SPIRE1: variants seen among roughly 807,000 people sequenced by gnomAD.
SPIRE1 encodes spire type actin nucleation factor 1.
Under a neutral mutation model 94.1 loss-of-function variants are expected in SPIRE1, and 40 were observed. The observed-to-expected ratio is 0.43, with a 90% CI of 0.33 to 0.55. The LOEUF (loss-of-function observed/expected upper bound fraction) is 0.55, where lower values mean the gene tolerates loss of function less well. SPIRE1 is among the 20% of genes least tolerant of loss of function. The pLI is 0.06. For synonymous variants in SPIRE1, 376 were observed against 371.7 expected, an observed-to-expected ratio of 1.01 and a Z score of -0.13; for missense variants, 838 against 975.2, an observed-to-expected ratio of 0.86 and a Z score of 1.87.
At chr18:12,581,675 C>A (rs570993367) in intron 2 of SPIRE1, among the ~76,000 whole-genome samples, 6 of 152,186 alleles carry the variant, frequency 3.9e-5, no homozygotes, top group Non-Finnish European at 8.8e-5. Context: ...ACCAGCCTGG[C>A]CAATGTGGCA....
At chr18:12,601,449 C>A (rs151081777) in intron 2 of SPIRE1, among the ~76,000 whole-genome samples, 1 of 151,892 alleles carries the variant, frequency 6.6e-6, no homozygotes, top group East Asian at 1.9e-4. Flanking sequence ...AAAAACAGAA[C>A]CAAACTGCTT....
In SPIRE1 at chr18:12,632,702, CTT is replaced by C. The variant is rs897486995; in HGVS notation, c.372+2358_372+2359del. ...GTGTTTTGCCCCCTCCAAATTTTTACTTTTTTTTTAATTCTGAAAAACTTCTA... is the reference window on the plus strand; with the variant it reads ...GTGTTTTGCCCCCTCCAAATTTTTACTTTTTTTAATTCTGAAAAACTTCTA... On this transcript the variant is annotated intron_variant, in intron 2 of 16. Transcript: ENST00000409402. Among the ~76,000 whole-genome samples the C allele has an allele frequency of 4.0e-5, 6 of 150,906 alleles. No individual in the cohort carries two copies. The South Asian group carries it at 1.3e-3, about 32-fold the overall frequency.
At chr18:12,493,774 G>A (rs547732740) in intron 7 of SPIRE1, among the ~76,000 whole-genome samples, 2 of 152,168 alleles carry the variant, frequency 1.3e-5, no homozygotes, top group Non-Finnish European at 2.9e-5. Flanking sequence ...GATTCCAGGC[G>A]CATGCCACTG....
chr18:12,483,097 C>T (rs1422927412), intron 9 of SPIRE1, among the ~76,000 whole-genome samples: 20 of 152,078 alleles, frequency 1.3e-4, no homozygotes, highest in East Asian at 3.9e-4. Context: ...TGCACCACCA[C>T]GCCTAGCTAA....
rs2031044569 is a variant in SPIRE1, at chr18:12,448,310, G to A, written c.*1328C>T. 1.3e-5 allele frequency: 2 copies of A among 152,652 alleles called. No homozygotes were observed. Among genetic ancestry groups the A allele is most frequent in the South Asian group, 4.1e-4 (2 of 4,830 alleles). The allele number at this position is 152,652 out of a possible 1,614,324, so 9.5% of individuals were successfully genotyped here. ...CCTTTCATGAAACGGTGCTATCGTG[G>A]TGCTGACTACAGACATGTCCTATGG... is the stretch of plus-strand genomic sequence containing the variant. On this transcript the variant is annotated 3_prime_UTR_variant, in exon 17 of 17. Coordinates refer to ENST00000409402, the MANE Select transcript of SPIRE1 (RefSeq NM_001128626.2). This position sits in a 1 kb window ranked among gnomAD's most constrained non-coding sequence, Gnocchi z 4.4.
At chr18:12,527,251 CA>C (rs1468490456) in intron 4 of SPIRE1, among the ~76,000 whole-genome samples, 2 of 152,152 alleles carry the variant, frequency 1.3e-5, no homozygotes, top group Admixed American at 6.6e-5. Flanking sequence ...ATCATTTGTA[CA>C]AAGTTAAAAA....
intron 9 of SPIRE1, among the ~76,000 whole-genome samples, chr18:12,481,577 AGAAG>A (rs2032843498): frequency 1.3e-5 from 2 of 152,116 alleles, no homozygotes; most frequent in Non-Finnish European, 2.9e-5. Flanking sequence ...AAGAAAGGAA[AGAAG>A]GAAGAACAGC....
chr18:12,646,929 A>T (rs2038243773), intron 1 of SPIRE1, among the ~76,000 whole-genome samples: 1 of 152,020 alleles, frequency 6.6e-6, no homozygotes, highest in African/African-American at 2.4e-5. Flanking sequence ...CTGTAATCTC[A>T]GCTACCATGG....
At position 12,657,900 on chromosome 18, in the gene SPIRE1, C is replaced by G; in HGVS notation, c.-34G>C. ...TGGGCGCTGCGCTCGGCAGTCGCGC[C>G]GTGTGCCGGCGTCTCCTCAGCTCCG... On this transcript the variant is annotated 5_prime_UTR_variant, in exon 1 of 17. Transcript: ENST00000409402. 2.9e-6 allele frequency: 3 copies of G among 1,030,606 alleles called. No homozygotes were observed. The highest frequency in any genetic ancestry group is 3.5e-6 in the Non-Finnish European group (3 of 862,280). 63.8% of individuals were successfully genotyped at this position (1,030,606 alleles called of 1,614,324 possible).
chr18:12,654,422 G>A (rs1014330391), intron 1 of SPIRE1, among the ~76,000 whole-genome samples: 9 of 151,336 alleles, frequency 5.9e-5, no homozygotes, highest in African/African-American at 1.9e-4. Flanking sequence ...CGAGACGGGC[G>A]GATCACGAGG....
rs530606978 is a variant in SPIRE1, at chr18:12,576,560, C to A, written c.373-29656G>T. On this transcript the variant is annotated intron_variant, in intron 2 of 16. Coordinates refer to ENST00000409402, the MANE Select transcript of SPIRE1 (RefSeq NM_001128626.2). ...TCGTGCCACTGCACTCCAGCCTGGG[C>A]ATCAGAAGGAGACTCCATCTCAAAA... is the stretch of plus-strand genomic sequence containing the variant. Among the ~76,000 whole-genome samples, 417 of 114,114 alleles carry A rather than the reference C, an allele frequency of 3.7e-3. 1 individual carries two copies. Among genetic ancestry groups the A allele is most frequent in the Middle Eastern group, 9.6e-3 (1 of 104 alleles). The allele number at this position is 114,114 out of a possible 152,430, so 74.9% of individuals were successfully genotyped here. A position where few individuals can be genotyped will look rare whatever the true frequency, so the allele number is the denominator to read the frequency against.
At chr18:12,657,134 A>G (rs2038563612) in intron 1 of SPIRE1, among the ~76,000 whole-genome samples, 1 of 152,124 alleles carries the variant, frequency 6.6e-6, no homozygotes, top group African/African-American at 2.4e-5. Context: ...CACCCCGTGA[A>G]CCCGGCCGTG....
chr18:12,484,650 TCCCAAAAGAAA>T (rs2032968134), intron 9 of SPIRE1, among the ~76,000 whole-genome samples: 1 of 152,158 alleles, frequency 6.6e-6, no homozygotes, highest in Non-Finnish European at 1.5e-5. Flanking sequence ...TAAAAGAAAA[TCCCAAAAGAAA>T]ATATTTGTGC....
At chr18:12,646,649 T>C (rs1039605592) in intron 1 of SPIRE1, among the ~76,000 whole-genome samples, 6 of 152,106 alleles carry the variant, frequency 3.9e-5, no homozygotes, top group Admixed American at 3.3e-4. Flanking sequence ...AAATACAAGA[T>C]ATTAAAGGAG....
At chr18:12,462,090 C>A (rs538288310) in intron 12 of SPIRE1, among the ~76,000 whole-genome samples, 1 of 152,156 alleles carries the variant, frequency 6.6e-6, no homozygotes, top group Non-Finnish European at 1.5e-5. Flanking sequence ...TATATTTAAT[C>A]GAATAGCTGT....
At chr18:12,531,113 T>G (rs1161845158) in intron 4 of SPIRE1, among the ~76,000 whole-genome samples, 3 of 152,222 alleles carry the variant, frequency 2.0e-5, no homozygotes, top group African/African-American at 7.2e-5. Context: ...TTGGCCAGGC[T>G]GGTCTTGAAC....
intron 6 of SPIRE1, among the ~76,000 whole-genome samples, chr18:12,500,046 T>C (rs2033602007): frequency 6.6e-6 from 1 of 152,178 alleles, no homozygotes; most frequent in South Asian, 2.1e-4. Context: ...AAATACTGCA[T>C]GTTCTCACTT....
At chr18:12,557,073 A>G (rs1293060031) in intron 2 of SPIRE1, among the ~76,000 whole-genome samples, 2 of 152,218 alleles carry the variant, frequency 1.3e-5, no homozygotes, top group East Asian at 3.9e-4. Context: ...TCAGAAGCCC[A>G]GCTGGCTTCA....
intron 2 of SPIRE1, among the ~76,000 whole-genome samples, chr18:12,617,668 C>T (rs1262013582): frequency 1.3e-5 from 2 of 152,148 alleles, no homozygotes; most frequent in African/African-American, 4.8e-5. Flanking sequence ...CCTCGGCCTC[C>T]CAAAGTGCTA....
Sources: allele counts gnomAD v4.1 joint callset (sites outside exome capture counted in the v4.1 genomes callset), GRCh38; gene constraint gnomAD v4.1.1; non-coding constraint Gnocchi (gnomAD v3.1); transcripts MANE v1.5; gene names NCBI Gene and HGNC (gene_info 2026-07-23, HGNC 2026-07-21).